Variants in DNAH11 observed in about 807,000 individuals in gnomAD.
The protein encoded by DNAH11 is dynein axonemal heavy chain 11.
In DNAH11, 442 loss-of-function variants were observed where a neutral mutation model predicts 526.0. The observed-to-expected ratio is 0.84, with a 90% CI of 0.78 to 0.91. The LOEUF is 0.91. DNAH11 is among the 40% of genes least tolerant of loss of function. The pLI is 0.00. For synonymous variants in DNAH11, 2,461 were observed against 1,935.9 expected, an observed-to-expected ratio of 1.27 and a Z score of -7.12; for missense variants, 6,989 against 5,448.7, an observed-to-expected ratio of 1.28 and a Z score of -8.90.
rs1289842148 is a variant in DNAH11, at chr7:21,702,694, C to T, written c.6181-16C>T. 1.2e-6 allele frequency: 2 copies of T among 1,608,948 alleles called. No homozygotes were observed. Among genetic ancestry groups the T allele is most frequent in the Admixed American group, 3.3e-5 (2 of 59,776 alleles). ...CTCATACAATTTTTGAGAAAATAAA[C>T]CTGTTTTGATTTTAGGATCATTACG... On this transcript the variant is annotated splice_polypyrimidine_tract_variant and intron_variant, in intron 36 of 81. Coordinates refer to ENST00000409508, the MANE Select transcript of DNAH11 (RefSeq NM_001277115.2).
At position 21,742,074 on chromosome 7, in the gene DNAH11, G is replaced by A. The variant is rs915888680; in HGVS notation, c.8062G>A (p.Ala2688Thr). 1.9e-6 allele frequency: 3 copies of A among 1,613,882 alleles called. No homozygotes were observed. The highest frequency in any genetic ancestry group is 2.7e-5 in the African/African-American group (2 of 75,016). ...SGPTLIQATIAFHQTMMCNFL... is the reference protein window; with the variant it reads ...SGPTLIQATITFHQTMMCNFL... ...CCCCACTTTGATCCAGGCAACAATA[G>A]CATTCCATCAGACAATGATGTGTAA... is the stretch of plus-strand genomic sequence containing the variant. Residue 2688 changes from alanine to threonine, a missense_variant, in exon 49 of 82, where the codon GCA (alanine) becomes ACA (threonine). Transcript: ENST00000409508.
At chr7:21,655,470 T>C (rs1197186349) in intron 28 of DNAH11, among the ~76,000 whole-genome samples, 1 of 152,208 alleles carries the variant, frequency 6.6e-6, no homozygotes, top group Non-Finnish European at 1.5e-5. Context: ...TGTACACTAA[T>C]GCTAGGAATC....
chr7:21,817,710 AGTTTTT>A (rs1789863614), intron 64 of DNAH11, among the ~76,000 whole-genome samples: 1 of 151,824 alleles, frequency 6.6e-6, no homozygotes, highest in South Asian at 2.1e-4. Context: ...TTTTTGATGT[AGTTTTT>A]GTTTGTCTGA....
rs767488222 is a variant in DNAH11 at position 21,765,463 on chromosome 7, G to A, written c.8976G>A (p.Leu2992=). 6.2e-7 allele frequency: 1 copy of A among 1,613,906 alleles called. No homozygotes were observed. The highest frequency in any genetic ancestry group is 1.1e-5 in the South Asian group (1 of 91,074). ...ILCFSPVGRT[L]RVRARKFPAI... The stretch of plus-strand genomic sequence containing the variant: ...GTTTCTCTCCAGTTGGTCGCACGCT[G>A]AGAGTTAGAGCTCGGAAGTTCCCAG... The change falls in exon 55 of 82, where the codon CTG becomes CTA. Residue 2992 remains leucine, a synonymous_variant. Transcript: ENST00000409508.
At chr7:21,601,864 C>G (rs1005526207) in intron 18 of DNAH11, among the ~76,000 whole-genome samples, 16 of 151,844 alleles carry the variant, frequency 1.1e-4, no homozygotes, top group Admixed American at 3.3e-4. Context: ...CCACTGTGCT[C>G]CACTGCCTTC....
At chr7:21,602,590 TGTGTGTGTGTAC>T (rs1785137276) in intron 18 of DNAH11, among the ~76,000 whole-genome samples, 1 of 113,210 alleles carries the variant, frequency 8.8e-6, no homozygotes, top group Non-Finnish European at 2.0e-5. Context: ...TGTGTGTGTG[TGTGTGTGTGTAC>T]ACACATGTAC....
intron 2 of DNAH11, among the ~76,000 whole-genome samples, chr7:21,553,837 C>G (rs1160688063): frequency 6.6e-6 from 1 of 152,136 alleles, no homozygotes; most frequent in Non-Finnish European, 1.5e-5. Flanking sequence ...CTTCCTCTCT[C>G]CCTACAAAGA....
chr7:21,718,581 C>T (rs946781976), intron 43 of DNAH11, among the ~76,000 whole-genome samples: 4 of 152,066 alleles, frequency 2.6e-5, no homozygotes, highest in Non-Finnish European at 5.9e-5. Flanking sequence ...GAGGGTTACA[C>T]ATAATATGTT....
intron 45 of DNAH11, among the ~76,000 whole-genome samples, chr7:21,731,198 A>G (rs775598951): frequency 1.3e-5 from 2 of 152,300 alleles, no homozygotes; most frequent in Admixed American, 6.5e-5. Context: ...GGATTTAGCC[A>G]TTGTACAATA....
At chr7:21,726,459 TA>T (rs1026375938) in intron 45 of DNAH11, among the ~76,000 whole-genome samples, 6 of 149,766 alleles carry the variant, frequency 4.0e-5, no homozygotes, top group African/African-American at 1.2e-4. Flanking sequence ...GATCCCTTTT[TA>T]AAAAAAAAGT....
intron 31 of DNAH11, 162 bp downstream of exon 31, chr7:21,681,839 C>A: frequency 1.1e-6 from 1 of 912,474 alleles, no homozygotes; most frequent in Non-Finnish European, 1.8e-6. Flanking sequence ...TTTTGGTTAG[C>A]CAATATATTA....
At chr7:21,863,179 G>T (rs1783137075) in intron 69 of DNAH11, among the ~76,000 whole-genome samples, 2 of 151,612 alleles carry the variant, frequency 1.3e-5, no homozygotes. Context: ...CAGCCATTTT[G>T]CTTTATGTCT....
chr7:21,761,173 A>G (rs932292950), intron 54 of DNAH11, among the ~76,000 whole-genome samples: 4 of 152,198 alleles, frequency 2.6e-5, no homozygotes, highest in Non-Finnish European at 2.9e-5. Context: ...ATCTCACATG[A>G]CACCACTAGC....
intron 5 of DNAH11, among the ~76,000 whole-genome samples, chr7:21,562,638 C>T (rs143533501): frequency 1.4e-4 from 22 of 152,226 alleles, no homozygotes; most frequent in South Asian, 1.0e-3. Flanking sequence ...CTCAAAGACA[C>T]ACTTCAGGCA....
At chr7:21,802,665 A>G (rs757211087) in intron 62 of DNAH11, among the ~76,000 whole-genome samples, 3 of 152,170 alleles carry the variant, frequency 2.0e-5, no homozygotes, top group South Asian at 2.1e-4. Context: ...GCTACAATGT[A>G]TGAATCTTGA....
intron 25 of DNAH11, among the ~76,000 whole-genome samples, chr7:21,624,142 T>A (rs1221900165): frequency 6.6e-6 from 1 of 152,106 alleles, no homozygotes; most frequent in African/African-American, 2.4e-5. Flanking sequence ...TAACAGGTAG[T>A]ACAATAGCAG....
At chr7:21,749,871 T>TA in intron 53 of DNAH11, 70 bp downstream of exon 53, 1 of 1,594,440 alleles carries the variant, frequency 6.3e-7, no homozygotes, top group Non-Finnish European at 8.6e-7. Flanking sequence ...CAGTGAACTT[T>TA]AAAGAGAGAG....
At chr7:21,895,438 GGTATGCA>G (rs1389578523) in intron 79 of DNAH11, among the ~76,000 whole-genome samples, 2 of 152,188 alleles carry the variant, frequency 1.3e-5, no homozygotes, top group African/African-American at 2.4e-5. Flanking sequence ...TTTGTAATAT[GGTATGCA>G]GTATGCAGTA....
chr7:21,564,027 C>T (rs1045548761), intron 5 of DNAH11, among the ~76,000 whole-genome samples, 159 bp from the exon 6 acceptor site: 4 of 151,774 alleles, frequency 2.6e-5, no homozygotes, highest in African/African-American at 9.7e-5. Flanking sequence ...TTCCAAATTG[C>T]TCGTGTGTAG....
Sources: allele counts gnomAD v4.1 joint callset (sites outside exome capture counted in the v4.1 genomes callset), GRCh38; gene constraint gnomAD v4.1.1; transcripts MANE v1.5; gene names NCBI Gene and HGNC (gene_info 2026-07-23, HGNC 2026-07-21).